Variants in CRCP observed in about 807,000 individuals in gnomAD.
The protein encoded by CRCP is CGRP receptor component.
Under a neutral mutation model 18.5 loss-of-function variants are expected in CRCP, and 18 were observed. The observed-to-expected ratio is 0.97, with a 90% CI of 0.67 to 1.44. The LOEUF (loss-of-function observed/expected upper bound fraction) is 1.44. Among genes scored for constraint, CRCP ranks in the 40% most tolerant of loss-of-function variants. The pLI is 0.00. For synonymous variants in CRCP, 53 were observed against 62.9 expected (o/e 0.84, Z 0.75); for missense variants, 130 against 176.4 (o/e 0.74, Z 1.49).
At chr7:66,147,333 C>T (rs759123266) in intron 5 of CRCP, among the ~76,000 whole-genome samples, 4 of 111,064 alleles carry the variant, frequency 3.6e-5, no homozygotes, top group Non-Finnish European at 7.7e-5. Flanking sequence ...AGTGAGACTC[C>T]ATCTTGGGAA....
intron 2 of CRCP, among the ~76,000 whole-genome samples, chr7:66,127,976 G>A (rs1402359579): frequency 6.6e-6 from 1 of 151,992 alleles, no homozygotes; most frequent in Non-Finnish European, 1.5e-5. Context: ...GCTGGGTGTG[G>A]TGGCACATGC....
chr7:66,146,535 T>G (rs1164504258), intron 5 of CRCP, among the ~76,000 whole-genome samples: 1 of 152,194 alleles, frequency 6.6e-6, no homozygotes, highest in Non-Finnish European at 1.5e-5. Flanking sequence ...ACTTAGCTCT[T>G]TGTCAAATTT....
intron 1 of CRCP, 53 bp downstream of exon 1, chr7:66,115,023 C>T (rs1190954644): frequency 1.9e-6 from 3 of 1,589,286 alleles, no homozygotes; most frequent in East Asian, 4.5e-5. Flanking sequence ...ACGGTTTGAC[C>T]GCTGAGAGCT....
chr7:66,119,957 C>T (rs930109485), intron 1 of CRCP, among the ~76,000 whole-genome samples: 2 of 151,944 alleles, frequency 1.3e-5, no homozygotes, highest in Non-Finnish European at 1.5e-5. Context: ...CTGAGTGGGG[C>T]GGATCATGAG....
chr7:66,133,365 G>A (rs190289204), intron 3 of CRCP, among the ~76,000 whole-genome samples: 103 of 152,052 alleles, frequency 6.8e-4, no homozygotes, highest in African/African-American at 2.4e-3. Flanking sequence ...GAAATTAGCC[G>A]GGCGTGGTGG....
chr7:66,149,937 G>A (rs886272632), intron 5 of CRCP, among the ~76,000 whole-genome samples: 2 of 152,070 alleles, frequency 1.3e-5, no homozygotes, highest in African/African-American at 2.4e-5. Flanking sequence ...CTCCCGTGTA[G>A]CTGGGACTAC....
At chr7:66,118,370 G>A (rs1477799384) in intron 1 of CRCP, among the ~76,000 whole-genome samples, 2 of 152,176 alleles carry the variant, frequency 1.3e-5, no homozygotes, top group Admixed American at 6.5e-5. Context: ...ATAGTACCTT[G>A]ATTTACTTTC....
chr7:66,124,526 C>T (rs1406736061), intron 1 of CRCP, among the ~76,000 whole-genome samples: 4 of 133,824 alleles, frequency 3.0e-5, no homozygotes, highest in Non-Finnish European at 6.3e-5. Flanking sequence ...CTTCCTTCCT[C>T]CCTCCTTCCC....
At chr7:66,151,673 C>CTCTGTGTGCG (rs1484742797) in intron 5 of CRCP, among the ~76,000 whole-genome samples, 9 of 138,522 alleles carry the variant, frequency 6.5e-5, no homozygotes. Flanking sequence ...CCACTTCTCT[C>CTCTGTGTGCG]TGTGTGTGTG....
At chr7:66,140,833 C>G (rs980326927) in intron 4 of CRCP, among the ~76,000 whole-genome samples, 2 of 152,094 alleles carry the variant, frequency 1.3e-5, no homozygotes, top group African/African-American at 4.8e-5. Flanking sequence ...TTCCTAAGCC[C>G]AACATCTTTT....
intron 5 of CRCP, among the ~76,000 whole-genome samples, chr7:66,147,465 C>G (rs1478627675): frequency 6.6e-6 from 1 of 152,164 alleles, no homozygotes; most frequent in East Asian, 1.9e-4. Context: ...CAAGTGTCCT[C>G]TCCATTTTAG....
rs548212132 is a variant in CRCP at position 66,138,270 on chromosome 7, G to C, written c.239+3896G>C. Among the ~76,000 whole-genome samples the C allele has an allele frequency of 3.1e-3, 476 of 152,278 alleles. 2 individuals carry two copies. The highest frequency in any genetic ancestry group is 4.5e-3 in the Non-Finnish European group (308 of 68,020). On this transcript the variant is annotated intron_variant, in intron 4 of 5. Coordinates refer to ENST00000395326, the MANE Select transcript of CRCP (RefSeq NM_014478.5). ...AATCTGTGATCAGGCTGGATGCAGT[G>C]GCTCATGCCTATTATCTCAGCACTT... is the stretch of plus-strand genomic sequence containing the variant.
intron 4 of CRCP, 65 bp downstream of exon 4, chr7:66,134,439 G>A: frequency 8.7e-7 from 1 of 1,153,042 alleles, no homozygotes; most frequent in Non-Finnish European, 1.3e-6. Context: ...TACATTCGTA[G>A]CAACCGTGTA....
chr7:66,137,030 G>A (rs574863457), intron 4 of CRCP, among the ~76,000 whole-genome samples: 274 of 151,838 alleles, frequency 1.8e-3, no homozygotes, highest in African/African-American at 6.4e-3. Context: ...GCAGTGAGCC[G>A]AGATTGCGCC....
At chr7:66,115,600 T>C (rs886296929) in intron 1 of CRCP, among the ~76,000 whole-genome samples, 17 of 152,284 alleles carry the variant, frequency 1.1e-4, no homozygotes, top group African/African-American at 4.1e-4. Context: ...CTCCACGTGG[T>C]CTTTTCCATG....
At chr7:66,129,591 A>G (rs545122024) in intron 2 of CRCP, among the ~76,000 whole-genome samples, 144 of 144,746 alleles carry the variant, frequency 9.9e-4, no homozygotes, top group African/African-American at 3.6e-3. Flanking sequence ...AAAAGAAGGT[A>G]GTAGAATAAA....
rs189223343 is a variant in CRCP, at chr7:66,120,904, G to T, written c.8+5934G>T. 3.2e-3 allele frequency among the ~76,000 whole-genome samples: 494 copies of T among 152,058 alleles called. 2 individuals carry two copies. The highest frequency in any genetic ancestry group is 0.011 in the African/African-American group (473 of 41,480). ...GACCAATCTCCAGTGAATACCAGGG[G>T]ATGCCTGTATATTGTACCTCTATCA... On this transcript the variant is annotated intron_variant, in intron 1 of 5. Coordinates refer to ENST00000395326, the MANE Select transcript of CRCP (RefSeq NM_014478.5).
chr7:66,114,876 C>T lies in CRCP; in HGVS notation c.-87C>T, dbSNP rs566313655. 3.1e-6 allele frequency: 5 copies of T among 1,607,076 alleles called. No homozygotes were observed. Among genetic ancestry groups the T allele is most frequent in the Non-Finnish European group, 1.7e-6 (2 of 1,174,546 alleles). ...AGCACCTTGGCGCGCGGAGCTGGCA[C>T]CTTGGCGCTGTTGGTGGCGGCGGAG... On this transcript the variant is annotated 5_prime_UTR_variant, in exon 1 of 6. Coordinates refer to ENST00000395326, the MANE Select transcript of CRCP (RefSeq NM_014478.5).
At chr7:66,122,702 A>T (rs960399620) in intron 1 of CRCP, among the ~76,000 whole-genome samples, 7 of 152,116 alleles carry the variant, frequency 4.6e-5, no homozygotes, top group African/African-American at 1.7e-4. Flanking sequence ...AAAGCACCAG[A>T]CACTGGGTGG....
Sources: allele counts gnomAD v4.1 joint callset (sites outside exome capture counted in the v4.1 genomes callset), GRCh38; gene constraint gnomAD v4.1.1; transcripts MANE v1.5; gene names NCBI Gene and HGNC (gene_info 2026-07-23, HGNC 2026-07-21).